The following C11orf21 variants were observed in gnomAD, a reference collection of about 807,000 sequenced individuals.
C11orf21 encodes uncharacterized protein C11orf21.
C11orf21 carries 19 observed loss-of-function variants against 15.2 expected under a neutral mutation model. The observed-to-expected ratio is 1.25, with a 90% CI of 0.87 to 1.84. The LOEUF is 1.84. C11orf21 is among the 40% of genes most tolerant of loss of function. The pLI, the probability that C11orf21 is intolerant of heterozygous loss-of-function variation, is 0.00. For missense variants in C11orf21, 171 were observed against 174.4 expected (o/e 0.98, Z 0.11); for synonymous variants, 62 against 66.8 (o/e 0.93, Z 0.35).
intron 3 of C11orf21, 147 bp from the exon 4 acceptor site, chr11:2,298,068 C>T (rs1028129165): frequency 6.6e-6 from 1 of 152,276 alleles, no homozygotes; most frequent in Admixed American, 6.5e-5. Flanking sequence ...AACACTATCT[C>T]ATTGCGGGGC....
At chr11:2,301,500 G>A (rs1310317045) in intron 1 of C11orf21, 4 of 422,724 alleles carry the variant, frequency 9.5e-6, no homozygotes, top group South Asian at 8.3e-5. Context: ...GAGGCCCCAC[G>A]TGAGTGTGAG....
upstream of C11orf21, chr11:2,302,562 C>T (rs1847818468): frequency 3.7e-6 from 2 of 544,170 alleles, no homozygotes; most frequent in South Asian, 4.5e-5. Context: ...GTGGGGCTCA[C>T]TCCCACTCCG....
chr11:2,300,845 G>GGGCAGGA, intron 1 of C11orf21: 1 of 1,386,482 alleles, frequency 7.2e-7, no homozygotes, highest in African/African-American at 1.4e-5. Flanking sequence ...CACAGCCCGG[G>GGGCAGGA]GGCCTCCTGC....
At chr11:2,299,134 C>G (rs1368607467) in intron 3 of C11orf21, among the ~76,000 whole-genome samples, 1 of 152,190 alleles carries the variant, frequency 6.6e-6, no homozygotes, top group Non-Finnish European at 1.5e-5. Context: ...CCCCTGGGGC[C>G]CACCCAGCTG....
chr11:2,298,366 G>T (rs1385428538), intron 3 of C11orf21, among the ~76,000 whole-genome samples: 2 of 152,322 alleles, frequency 1.3e-5, no homozygotes, highest in East Asian at 1.9e-4. Flanking sequence ...GGTGTCAGGA[G>T]CTCACTGCCC....
intron 2 of C11orf21, 120 bp downstream of exon 2, chr11:2,300,400 C>G: frequency 4.3e-6 from 3 of 693,088 alleles, no homozygotes; most frequent in Non-Finnish European, 7.2e-6. Context: ...CCTCAACAAG[C>G]CACTTCCTCT....
At chr11:2,298,327 C>T (rs1015705207) in intron 3 of C11orf21, among the ~76,000 whole-genome samples, 3 of 152,194 alleles carry the variant, frequency 2.0e-5, no homozygotes, top group Non-Finnish European at 2.9e-5. Context: ...CTTCTAGGTT[C>T]CTGAGAGAGG....
intron 2 of C11orf21, 23 bp downstream of exon 2, chr11:2,300,490 GGGGCACA>G: frequency 7.0e-7 from 1 of 1,432,798 alleles, no homozygotes; most frequent in Non-Finnish European, 9.5e-7. Flanking sequence ...CCCCGCTGGT[GGGGCACA>G]GTGAGGGGGG....
rs1589780474 is a variant in C11orf21 at position 2,296,269 on chromosome 11, A to T, written c.*1681T>A. 6.6e-6 allele frequency: 1 copy of T among 151,964 alleles called. No individual in the cohort carries two copies. The highest frequency in any genetic ancestry group is 2.4e-5 in the African/African-American group (1 of 41,328). The allele number at this position is 151,964 out of a possible 1,614,324, so 9.4% of individuals were successfully genotyped here. A position where few individuals can be genotyped will look rare whatever the true frequency, so the allele number is the denominator to read the frequency against. On this transcript the variant is annotated 3_prime_UTR_variant, in exon 4 of 4. Transcript: ENST00000381153. The surrounding 1 kb of genome is among the most constrained non-coding windows in gnomAD (Gnocchi z 5.6). ...GGCCTTTCCCAGCATAGTAGCCCCCACCCTCAGGTCAGGGAACAAATGTGG... is the reference window on the plus strand; with the variant it reads ...GGCCTTTCCCAGCATAGTAGCCCCCTCCCTCAGGTCAGGGAACAAATGTGG...
upstream of C11orf21, chr11:2,303,066 C>A (rs1847859805): frequency 9.4e-7 from 1 of 1,060,764 alleles, no homozygotes; most frequent in African/African-American, 1.6e-5. Context: ...AGGCCCTAGG[C>A]AGGAGCCAGA....
In C11orf21 at chr11:2,299,579, ACAG is replaced by A; in HGVS notation, c.273_275del (p.Cys92del). On this transcript the variant is annotated inframe_deletion, in exon 3 of 4. Transcript: ENST00000381153. Reference sequence around the variant, plus strand: ...GGGGCAACTGCCCAGGTAAACTGAGACAGCAGCAGCAGGCAAGCCAGTGCAGAG... The same window carrying A: ...GGGGCAACTGCCCAGGTAAACTGAGACAGCAGCAGGCAAGCCAGTGCAGAG... The A allele has an allele frequency of 6.4e-7, 1 of 1,550,844 alleles. No homozygotes were observed. Among genetic ancestry groups the A allele is most frequent in the Non-Finnish European group, 8.7e-7 (1 of 1,146,976 alleles).
At chr11:2,298,732 G>A (rs1044096295) in intron 3 of C11orf21, among the ~76,000 whole-genome samples, 10 of 152,176 alleles carry the variant, frequency 6.6e-5, no homozygotes, top group Non-Finnish European at 1.2e-4. Flanking sequence ...GTGGCACAGC[G>A]TGGATGTGGA....
intron 1 of C11orf21, 155 bp from the exon 2 acceptor site, chr11:2,300,768 T>A: frequency 6.4e-7 from 1 of 1,550,564 alleles, no homozygotes; most frequent in Non-Finnish European, 8.7e-7. Flanking sequence ...GAGAGACAAT[T>A]CTAGGGGCGA....
At position 2,297,819 on chromosome 11, in the gene C11orf21, G is replaced by A. The variant is rs965175697; in HGVS notation, c.*131C>T. On this transcript the variant is annotated 3_prime_UTR_variant, in exon 4 of 4. Transcript: ENST00000381153. ...GTGCTTATTTCTTGCAGTTCTGGAG[G>A]CTGGAAGTCCAATATCAAGGTGCTG... The A allele has an allele frequency of 6.6e-6, 1 of 152,274 alleles. No individual in the cohort carries two copies. Among genetic ancestry groups the A allele is most frequent in the African/African-American group, 2.4e-5 (1 of 41,452 alleles). 9.4% of individuals were successfully genotyped at this position (152,274 alleles called of 1,614,324 possible). A position where few individuals can be genotyped will look rare whatever the true frequency, so the allele number is the denominator to read the frequency against.
chr11:2,301,271 G>T, intron 1 of C11orf21: 1 of 201,534 alleles, frequency 5.0e-6, no homozygotes, highest in South Asian at 8.0e-5. Context: ...TTCCAGCACC[G>T]AGGGGCGAGC....
At chr11:2,300,876 C>T (rs1847709106) in intron 1 of C11orf21, 3 of 977,436 alleles carry the variant, frequency 3.1e-6, no homozygotes, top group Non-Finnish European at 4.7e-6. Context: ...GGTACCTTCA[C>T]TCTTGTTGCC....
At position 2,301,799 on chromosome 11, in the gene C11orf21, T is replaced by C. The variant is rs756924; in HGVS notation, c.10A>G (p.Thr4Ala). 1,401,564 of 1,550,258 alleles carry C rather than the reference T, an allele frequency of 0.9. 639,602 individuals are homozygous for C. Among genetic ancestry groups the C allele is most frequent in the African/African-American group, 0.95 (69,468 of 73,120 alleles). Residue 4 changes from threonine (T) to alanine (A), a missense_variant, in exon 1 of 4, where the codon ACC becomes GCC. By Grantham distance (58) the Thr-to-Ala change is moderately conservative. Transcript: ENST00000381153. Reference sequence around the variant, plus strand: ...CGTCTCCTCCACATCCCACACCAGGTCCTGCCCATGACTTTCCCCCTCTCA... The same window carrying C: ...CGTCTCCTCCACATCCCACACCAGGCCCTGCCCATGACTTTCCCCCTCTCA... MGR[T>A]WCGMWRRRRP...
At chr11:2,302,606 G>A (rs997033591), upstream of C11orf21, 10 of 567,770 alleles carry the variant, frequency 1.8e-5, no homozygotes, top group Admixed American at 3.2e-4. Context: ...GGGTGTCTGG[G>A]GAAGCTGGGC....
In C11orf21 at chr11:2,300,903, C is replaced by T. The variant is rs1049914576; in HGVS notation, c.54-290G>A. 482 of 785,758 alleles carry T rather than the reference C, an allele frequency of 6.1e-4. 6 individuals are homozygous for T. Among genetic ancestry groups the T allele is most frequent in the Non-Finnish European group, 1.1e-4 (52 of 479,486 alleles). 48.7% of individuals were successfully genotyped at this position (785,758 alleles called of 1,614,324 possible). A position where few individuals can be genotyped will look rare whatever the true frequency, so the allele number is the denominator to read the frequency against. ...CTTGTTGCCACCCCTACATTCATAC[C>T]TGCGCCCCAGTCTGAGCCACACCTA... On this transcript the variant is annotated intron_variant, in intron 1 of 3. Coordinates refer to ENST00000381153, the MANE Select transcript of C11orf21 (RefSeq NM_001329958.2).
Sources: gnomAD v4.1 joint callset for allele counts (sites outside exome capture counted in the v4.1 genomes callset) on GRCh38, gnomAD v4.1.1 for gene constraint, Gnocchi (gnomAD v3.1) non-coding constraint, MANE v1.5 for transcripts, NCBI Gene and HGNC (gene_info 2026-07-23, HGNC 2026-07-21) for gene names.